Variants in SFMBT2 observed in about 807,000 individuals in gnomAD.
The protein encoded by SFMBT2 is scm-like with four MBT domains protein 2.
SFMBT2 carries 38 observed loss-of-function variants against 110.1 expected under a neutral mutation model. The ratio of observed to expected loss-of-function variants is 0.35; its 90% CI spans 0.27 to 0.45. The LOEUF is 0.45. Among genes scored for constraint, SFMBT2 ranks in the 20% least tolerant of loss-of-function variants. The pLI is 1.00. For missense variants in SFMBT2, 1,011 were observed against 1,094.9 expected (o/e 0.92, Z 1.08); for synonymous variants, 425 against 425.4 (o/e 1.00, Z 0.01).
At chr10:7,366,473 G>T (rs1293887168) in intron 4 of SFMBT2, among the ~76,000 whole-genome samples, 3 of 150,624 alleles carry the variant, frequency 2.0e-5, no homozygotes, top group African/African-American at 7.3e-5. Flanking sequence ...ACCGTGAAAG[G>T]CTAAGTAAGG....
At chr10:7,363,974 C>G (rs371257039) in intron 4 of SFMBT2, among the ~76,000 whole-genome samples, 8 of 152,168 alleles carry the variant, frequency 5.3e-5, no homozygotes, top group Middle Eastern at 3.4e-3. Context: ...CAGCAAAGAT[C>G]GACCAGGTAT....
rs925924123 is a variant in SFMBT2 at position 7,329,419 on chromosome 10, T to C, written c.436+38230A>G. The stretch of plus-strand genomic sequence containing the variant: ...CATCAGCGCAGCACAGCACGGGTGC[T>C]AAAGACATCCCCACAACCACAAAAG... On this transcript the variant is annotated intron_variant, in intron 4 of 20. Transcript: ENST00000397167. 5.1e-6 allele frequency: 5 copies of C among 984,868 alleles called. No individual in the cohort carries two copies. The African/African-American group carries it at 5.2e-5, about 10-fold the overall frequency. 61.0% of individuals were successfully genotyped at this position (984,868 alleles called of 1,614,324 possible).
intron 9 of SFMBT2, among the ~76,000 whole-genome samples, chr10:7,231,564 T>G (rs986625710): frequency 6.6e-6 from 1 of 152,232 alleles, no homozygotes; most frequent in African/African-American, 2.4e-5. Context: ...TGCCTCGTGT[T>G]TTCTTGGACG....
chr10:7,250,105 A>G (rs907076811), intron 7 of SFMBT2, among the ~76,000 whole-genome samples: 2 of 152,262 alleles, frequency 1.3e-5, no homozygotes, highest in Admixed American at 6.5e-5. Context: ...TGTTGCAAAC[A>G]AAGCCTTTAA....
At chr10:7,188,840 T>A in intron 15 of SFMBT2, 107 bp from the exon 16 acceptor site, 1 of 847,684 alleles carries the variant, frequency 1.2e-6, no homozygotes, top group Non-Finnish European at 1.9e-6. Context: ...AGCTCGCCAC[T>A]ACACCCACAT....
At position 7,160,469 on chromosome 10, in the gene SFMBT2, G is replaced by A. The variant is rs947409629; in HGVS notation, c.*3301C>T. 6.6e-6 allele frequency: 1 copy of A among 152,194 alleles called. No individual in the cohort carries two copies. The highest frequency in any genetic ancestry group is 6.5e-5 in the Admixed American group (1 of 15,282). The allele number at this position is 152,194 out of a possible 1,614,324, so 9.4% of individuals were successfully genotyped here. A position where few individuals can be genotyped will look rare whatever the true frequency, so the allele number is the denominator to read the frequency against. On this transcript the variant is annotated 3_prime_UTR_variant, in exon 21 of 21. Transcript: ENST00000397167. ...GCAGACTGCAGAGTCTCCCGGGCCA[G>A]TTCCAATAAGTTCCAAGTGGCATGA... is the stretch of plus-strand genomic sequence containing the variant.
rs1842307375 is a variant in SFMBT2 at position 7,293,074 on chromosome 10, G to A, written c.437-7120C>T. Among the ~76,000 whole-genome samples, 1 of 152,130 alleles carries A rather than the reference G, an allele frequency of 6.6e-6. No homozygotes were observed. Among genetic ancestry groups the A allele is most frequent in the Non-Finnish European group, 1.5e-5 (1 of 68,016 alleles). ...GCCCTATCACAGTGATGACATTAGGGTGAAAGGAGTCTCACTCTGTCTGGA... is the reference window on the plus strand; with the variant it reads ...GCCCTATCACAGTGATGACATTAGGATGAAAGGAGTCTCACTCTGTCTGGA... On this transcript the variant is annotated intron_variant, in intron 4 of 20. Transcript: ENST00000397167. The surrounding 1 kb of genome is among the most constrained non-coding windows in gnomAD (Gnocchi z 4.6).
At chr10:7,349,855 G>C (rs12264096) in intron 4 of SFMBT2, among the ~76,000 whole-genome samples, 11,469 of 152,182 alleles carry the variant, frequency 0.075, 1,022 homozygotes, top group African/African-American at 0.22. Flanking sequence ...ACTGAGGACA[G>C]TGGGATTTCA....
intron 4 of SFMBT2, among the ~76,000 whole-genome samples, chr10:7,338,344 A>T (rs769287578): frequency 1.3e-5 from 2 of 152,210 alleles, no homozygotes; most frequent in Non-Finnish European, 2.9e-5. Flanking sequence ...CCCAAAAGTC[A>T]AATATCTGCA....
At chr10:7,253,901 A>C (rs577743646) in intron 7 of SFMBT2, among the ~76,000 whole-genome samples, 1 of 152,180 alleles carries the variant, frequency 6.6e-6, no homozygotes, top group South Asian at 2.1e-4. Flanking sequence ...ACGTAACGGA[A>C]ATTGAGAAGA....
intron 4 of SFMBT2, among the ~76,000 whole-genome samples, chr10:7,358,852 AT>A (rs1844616152): frequency 6.6e-6 from 1 of 152,126 alleles, no homozygotes; most frequent in Admixed American, 6.5e-5. Flanking sequence ...GCCCTAGAAC[AT>A]CTGCATACCC....
chr10:7,372,255 T>C (rs899575847), intron 2 of SFMBT2, among the ~76,000 whole-genome samples: 5 of 152,118 alleles, frequency 3.3e-5, no homozygotes, highest in African/African-American at 1.2e-4. Context: ...GAAAAGTAAG[T>C]CTCTCTTAAT....
Position 7,171,629 on chromosome 10 carries a change from C to T in SFMBT2, c.2415+266G>A, listed in dbSNP as rs1288764599. Reference sequence around the variant, plus strand: ...TTCAAAGGAAACTGAGGACTGTGCCCTCCTCCTGACAAGAACCCAGGTGGC... The same window carrying T: ...TTCAAAGGAAACTGAGGACTGTGCCTTCCTCCTGACAAGAACCCAGGTGGC... On this transcript the variant is annotated intron_variant, in intron 19 of 20. Transcript: ENST00000397167. This position sits in a 1 kb window ranked among gnomAD's most constrained non-coding sequence, Gnocchi z 4.9. 2.1e-6 allele frequency: 2 copies of T among 949,130 alleles called. No homozygotes were observed. The allele number at this position is 949,130 out of a possible 1,614,324, so 58.8% of individuals were successfully genotyped here. A position where few individuals can be genotyped will look rare whatever the true frequency, so the allele number is the denominator to read the frequency against.
At chr10:7,322,975 T>C (rs1382578375) in intron 4 of SFMBT2, among the ~76,000 whole-genome samples, 3 of 152,214 alleles carry the variant, frequency 2.0e-5, no homozygotes, top group Non-Finnish European at 4.4e-5. Flanking sequence ...CATAGCTCTG[T>C]TTGTTAACAG....
intron 17 of SFMBT2, among the ~76,000 whole-genome samples, chr10:7,173,891 C>T (rs78031397): frequency 3.3e-5 from 5 of 152,296 alleles, no homozygotes; most frequent in Admixed American, 6.5e-5. Flanking sequence ...AGTACTGAGT[C>T]GTGGGCTTTG....
intron 2 of SFMBT2, among the ~76,000 whole-genome samples, chr10:7,373,341 G>A (rs1234710813): frequency 6.6e-6 from 1 of 152,224 alleles, no homozygotes; most frequent in Non-Finnish European, 1.5e-5. Context: ...AGACTTCGCA[G>A]CCACCAGAAT....
At chr10:7,303,062 T>A (rs1842597267) in intron 4 of SFMBT2, among the ~76,000 whole-genome samples, 1 of 152,164 alleles carries the variant, frequency 6.6e-6, no homozygotes, top group Non-Finnish European at 1.5e-5. Context: ...ATTCTGAGGC[T>A]GACTGTAAGT....
intron 4 of SFMBT2, among the ~76,000 whole-genome samples, chr10:7,299,788 A>G (rs1039978601): frequency 1.3e-5 from 2 of 152,100 alleles, no homozygotes; most frequent in African/African-American, 4.8e-5. Context: ...TATATACCCA[A>G]AGGAATATAA....
At chr10:7,292,782 T>C (rs1842297879) in intron 4 of SFMBT2, among the ~76,000 whole-genome samples, 1 of 152,140 alleles carries the variant, frequency 6.6e-6, no homozygotes, top group Admixed American at 6.5e-5. Context: ...TTTAGGAGGC[T>C]GAGGCGGGCG....
Sources: allele counts gnomAD v4.1 joint callset (sites outside exome capture counted in the v4.1 genomes callset), GRCh38; gene constraint gnomAD v4.1.1; non-coding constraint Gnocchi (gnomAD v3.1); transcripts MANE v1.5; gene names NCBI Gene and HGNC (gene_info 2026-07-23, HGNC 2026-07-21).